The following C2CD2 variants were observed in gnomAD, a reference collection of about 807,000 sequenced individuals.
The protein encoded by C2CD2 is C2 calcium dependent domain containing 2.
In C2CD2, 43 loss-of-function variants were observed where a neutral mutation model predicts 74.3. The ratio of observed to expected loss-of-function variants is 0.58; its 90% CI spans 0.45 to 0.75. The LOEUF is 0.75. C2CD2 is among the 30% of genes least tolerant of loss of function. The pLI is 0.00. For missense variants in C2CD2, 801 were observed against 916.3 expected (o/e 0.87, Z 1.63); for synonymous variants, 422 against 390.7 (o/e 1.08, Z -0.94).
chr21:41,911,642 C>T (rs1022348030), intron 7 of C2CD2, among the ~76,000 whole-genome samples: 1 of 151,826 alleles, frequency 6.6e-6, no homozygotes, highest in Admixed American at 6.6e-5. Context: ...CCCACCTCAG[C>T]CTCCCAAAGT....
chr21:41,914,570 A>C lies in C2CD2; in HGVS notation c.844+28T>G, dbSNP rs1381161700. 1.9e-6 allele frequency: 3 copies of C among 1,607,014 alleles called. No homozygotes were observed. The African/African-American group carries it at 4.0e-5, about 22-fold the overall frequency. ...GCTCAGGGGCTGGAAGAGCCCCTCC[A>C]GGCAGGCAGGCTCCCATCGTCACCC... is the stretch of plus-strand genomic sequence containing the variant. On this transcript the variant is annotated intron_variant, in intron 6 of 13. Coordinates refer to ENST00000380486, the MANE Select transcript of C2CD2 (RefSeq NM_015500.2).
chr21:41,910,120 C>T (rs549654857), intron 7 of C2CD2, among the ~76,000 whole-genome samples: 4 of 151,968 alleles, frequency 2.6e-5, no homozygotes, highest in Non-Finnish European at 4.4e-5. Context: ...AGGTGTGAGC[C>T]GCCGCGCCCA....
At chr21:41,896,349 C>T (rs1019076762) in intron 13 of C2CD2, among the ~76,000 whole-genome samples, 4 of 152,284 alleles carry the variant, frequency 2.6e-5, no homozygotes, top group South Asian at 4.1e-4. Context: ...GAGCCATCTA[C>T]AGACACCACA....
intron 13 of C2CD2, among the ~76,000 whole-genome samples, chr21:41,890,893 C>T (rs946849228): frequency 6.6e-6 from 1 of 152,200 alleles, no homozygotes; most frequent in Non-Finnish European, 1.5e-5. Flanking sequence ...TGACTTCAAG[C>T]AGGAACTACT....
chr21:41,886,035 A>C lies in C2CD2; in HGVS notation c.*3089T>G, dbSNP rs2064679841. 1 of 152,300 alleles carries C rather than the reference A, an allele frequency of 6.6e-6. No homozygotes were observed. Among genetic ancestry groups the C allele is most frequent in the Admixed American group, 6.5e-5 (1 of 15,280 alleles). The allele number at this position is 152,300 out of a possible 1,614,324, so 9.4% of individuals were successfully genotyped here. ...GCGTGTGTGCAAACACACATAACAC[A>C]CACACACACTTAAAGCTCCATTTCA... On this transcript the variant is annotated 3_prime_UTR_variant, in exon 14 of 14. Coordinates refer to ENST00000380486, the MANE Select transcript of C2CD2 (RefSeq NM_015500.2).
chr21:41,928,854 G>A (rs890454182), intron 2 of C2CD2, among the ~76,000 whole-genome samples: 1 of 152,216 alleles, frequency 6.6e-6, no homozygotes, highest in African/African-American at 2.4e-5. Flanking sequence ...AGTTCCGTCT[G>A]TAGCTGTGGT....
At position 41,922,028 on chromosome 21, in the gene C2CD2, C is replaced by T. The variant is rs1321117350; in HGVS notation, c.436G>A (p.Ala146Thr). The part of the protein sequence containing the change: ...AIQFLVSETP[A>T]LGAGCRLYDM... Reference sequence around the variant, plus strand: ...TACAGCCGGCATCCAGCACCCAAGGCAGGCGTCTCGCTGACCAAGAACTGA... The same window carrying T: ...TACAGCCGGCATCCAGCACCCAAGGTAGGCGTCTCGCTGACCAAGAACTGA... Residue 146 changes from alanine (A) to threonine (T), a missense_variant, in exon 3 of 14, where the codon GCC becomes ACC. Ala to Thr is a moderately conservative substitution (Grantham distance 58). Transcript: ENST00000380486. 3.1e-6 allele frequency: 5 copies of T among 1,614,158 alleles called. No individual in the cohort carries two copies. The highest frequency in any genetic ancestry group is 4.2e-6 in the Non-Finnish European group (5 of 1,179,992).
intron 2 of C2CD2, among the ~76,000 whole-genome samples, chr21:41,935,550 C>T (rs1480067067): frequency 6.6e-6 from 1 of 152,152 alleles, no homozygotes; most frequent in Non-Finnish European, 1.5e-5. Flanking sequence ...TTGCTGAAGC[C>T]TGACCCCCAC....
rs773672009 is a variant in C2CD2, at chr21:41,889,306, G to A, written c.1909C>T (p.Arg637Trp). 32 of 1,614,048 alleles carry A rather than the reference G, an allele frequency of 2.0e-5. No individual in the cohort carries two copies. Among genetic ancestry groups the A allele is most frequent in the Non-Finnish European group, 2.5e-5 (30 of 1,179,998 alleles). The change falls in exon 14 of 14, where the codon CGG becomes TGG. Residue 637 changes from arginine to tryptophan, a missense_variant. By Grantham distance (101) the Arg-to-Trp change is moderately radical. Coordinates refer to ENST00000380486, the MANE Select transcript of C2CD2 (RefSeq NM_015500.2). The part of the protein sequence containing the change: ...LRKGAKLFFR[R>W]RHQQKDPGMS... ...CCTGGGTCTTTCTGTTGATGCCGCC[G>A]GCGGAAGAACAGCTTTGCACCTTTC...
chr21:41,917,982 G>A (rs756246909), intron 5 of C2CD2, 123 bp downstream of exon 5: 51 of 1,123,508 alleles, frequency 4.5e-5, no homozygotes, highest in South Asian at 5.8e-5. Flanking sequence ...GCAAGCACCC[G>A]AGCCATCTTG....
intron 2 of C2CD2, among the ~76,000 whole-genome samples, chr21:41,938,602 T>C (rs1214625199): frequency 1.3e-5 from 2 of 152,156 alleles, no homozygotes; most frequent in Non-Finnish European, 2.9e-5. Flanking sequence ...TTTCTGTCTC[T>C]CTGAATCAGG....
chr21:41,919,371 T>C (rs994752469), intron 3 of C2CD2, among the ~76,000 whole-genome samples: 4 of 152,206 alleles, frequency 2.6e-5, no homozygotes, highest in Non-Finnish European at 5.9e-5. Context: ...ACAATGTGCT[T>C]TCAAAATGGA....
intron 1 of C2CD2, among the ~76,000 whole-genome samples, chr21:41,944,267 C>T (rs748655233): frequency 7.2e-5 from 11 of 152,128 alleles, no homozygotes; most frequent in Admixed American, 1.3e-4. Flanking sequence ...AACCCCAGCA[C>T]TTTGGGAGGC....
chr21:41,921,352 C>A (rs546394879), intron 3 of C2CD2, among the ~76,000 whole-genome samples: 1 of 152,186 alleles, frequency 6.6e-6, no homozygotes, highest in Non-Finnish European at 1.5e-5. Context: ...ATGTGAGAGA[C>A]GCACAGCTCT....
chr21:41,934,286 C>T (rs1230050734), intron 2 of C2CD2, among the ~76,000 whole-genome samples: 5 of 151,966 alleles, frequency 3.3e-5, no homozygotes, highest in South Asian at 2.1e-4. Context: ...AAAAACTAGC[C>T]GGGCATGATG....
chr21:41,925,321 T>TAAA (rs61121128), intron 2 of C2CD2, among the ~76,000 whole-genome samples: 35 of 147,742 alleles, frequency 2.4e-4, no homozygotes, highest in South Asian at 6.4e-4. Context: ...CTCCATCTCT[T>TAAA]AAAAAAAAAA....
chr21:41,942,645 G>T (rs144441494), intron 1 of C2CD2, among the ~76,000 whole-genome samples: 36 of 152,350 alleles, frequency 2.4e-4, no homozygotes, highest in Non-Finnish European at 4.6e-4. Context: ...GCCCAGCACA[G>T]AGGGCTCCAG....
At position 41,903,710 on chromosome 21, in the gene C2CD2, C is replaced by T. The variant is rs2064926674; in HGVS notation, c.1433-1961G>A. Reference sequence around the variant, plus strand: ...CCTCCTCACGCCAGGCCCAGTGCTTCTGTTCAGTCCCCCGAGAGCCCGGTC... The same window carrying T: ...CCTCCTCACGCCAGGCCCAGTGCTTTTGTTCAGTCCCCCGAGAGCCCGGTC... On this transcript the variant is annotated intron_variant, in intron 11 of 13. Transcript: ENST00000380486. This position sits in a 1 kb window ranked among gnomAD's most constrained non-coding sequence, Gnocchi z 4.5. Among the ~76,000 whole-genome samples, 1 of 152,184 alleles carries T rather than the reference C, an allele frequency of 6.6e-6. No homozygotes were observed. The highest frequency in any genetic ancestry group is 2.4e-5 in the African/African-American group (1 of 41,448).
chr21:41,922,001 C>T lies in C2CD2; in HGVS notation c.463G>A (p.Asp155Asn), dbSNP rs761112460. 17 of 1,613,390 alleles carry T rather than the reference C, an allele frequency of 1.1e-5. No individual in the cohort carries two copies. The highest frequency in any genetic ancestry group is 2.7e-5 in the African/African-American group (2 of 75,008). ...PALGAGCRLYDMRLSPFHLQL... is the reference protein window; with the variant it reads ...PALGAGCRLYNMRLSPFHLQL... ...AAATGGAAAGGGGAGAGCCGCATGT[C>T]GTACAGCCGGCATCCAGCACCCAAG... The change falls in exon 3 of 14, where the codon GAC becomes AAC. Residue 155 changes from aspartate to asparagine, a missense_variant. By Grantham distance (23) the Asp-to-Asn change is conservative. Transcript: ENST00000380486.
Sources: gnomAD v4.1 joint callset for allele counts (sites outside exome capture counted in the v4.1 genomes callset) on GRCh38, gnomAD v4.1.1 for gene constraint, Gnocchi (gnomAD v3.1) non-coding constraint, MANE v1.5 for transcripts, NCBI Gene and HGNC (gene_info 2026-07-23, HGNC 2026-07-21) for gene names.